ADARB2: variants seen among roughly 807,000 people sequenced by gnomAD.
The protein encoded by ADARB2 is inactive double-stranded RNA-specific editase B2.
ADARB2 carries 25 observed loss-of-function variants against 62.2 expected under a neutral mutation model. The observed-to-expected ratio is 0.40, with a 90% CI of 0.29 to 0.56. ADARB2 has a LOEUF of 0.56. Ranked by LOEUF, ADARB2 falls within the 20% of genes least tolerant of loss-of-function variation. ADARB2 has a pLI of 0.43. For synonymous variants in ADARB2, 572 were observed against 500.8 expected, an observed-to-expected ratio of 1.14 and a Z score of -1.90; for missense variants, 1,071 against 1,077.4, an observed-to-expected ratio of 0.99 and a Z score of 0.08.
At chr10:1,374,789 G>A (rs1308671231) in intron 2 of ADARB2, among the ~76,000 whole-genome samples, 3 of 152,234 alleles carry the variant, frequency 2.0e-5, no homozygotes, top group African/African-American at 2.4e-5. Flanking sequence ...ACGGGCTCCC[G>A]GGAGTTAGTC....
chr10:1,653,605 C>A (rs1164649011), intron 1 of ADARB2, among the ~76,000 whole-genome samples: 21 of 123,950 alleles, frequency 1.7e-4, no homozygotes, highest in African/African-American at 6.9e-4. Flanking sequence ...AGTCTCCACC[C>A]AACGCCTTCT....
chr10:1,683,445 A>T (rs1834563993), intron 1 of ADARB2, among the ~76,000 whole-genome samples: 1 of 152,198 alleles, frequency 6.6e-6, no homozygotes, highest in Admixed American at 6.5e-5. Context: ...AGCTCGAAAG[A>T]TTTTGCAGTG....
chr10:1,351,861 G>T lies in ADARB2; in HGVS notation c.1077+11167C>A, dbSNP rs576421878. Among the ~76,000 whole-genome samples, 699 of 150,578 alleles carry T rather than the reference G, an allele frequency of 4.6e-3. 20 individuals are homozygous for T. Among genetic ancestry groups the T allele is most frequent in the African/African-American group, 0.016 (645 of 40,108 alleles). On this transcript the variant is annotated intron_variant, in intron 3 of 9. Transcript: ENST00000381312. ...AAAACCAGACAAGGCTTACAGGTTA[G>T]TTCAGGATCTGTGCCTTATCAACCA...
At chr10:1,463,812 G>T (rs1420150521) in intron 1 of ADARB2, among the ~76,000 whole-genome samples, 2 of 152,102 alleles carry the variant, frequency 1.3e-5, no homozygotes, top group African/African-American at 4.8e-5. Context: ...CCAGAATAGG[G>T]AAAGCACTCT....
At chr10:1,377,358 G>A (rs1832442714) in intron 2 of ADARB2, among the ~76,000 whole-genome samples, 1 of 144,074 alleles carries the variant, frequency 6.9e-6, no homozygotes, top group Non-Finnish European at 1.5e-5. Flanking sequence ...GTGTGTGTTT[G>A]TGCTCCTGGG....
chr10:1,710,972 T>C (rs561774983), intron 1 of ADARB2, among the ~76,000 whole-genome samples: 1 of 152,208 alleles, frequency 6.6e-6, no homozygotes, highest in East Asian at 1.9e-4. Flanking sequence ...CCCAACCCCC[T>C]GTGCTCTGCA....
chr10:1,583,686 C>A (rs1833135988), intron 1 of ADARB2, among the ~76,000 whole-genome samples: 1 of 152,206 alleles, frequency 6.6e-6, no homozygotes, highest in South Asian at 2.1e-4. Flanking sequence ...TCAATATATT[C>A]TCAATCAAAA....
intron 1 of ADARB2, among the ~76,000 whole-genome samples, chr10:1,482,518 A>G (rs988184070): frequency 8.5e-5 from 13 of 152,212 alleles, no homozygotes; most frequent in African/African-American, 2.9e-4. Context: ...GGTTACCAGG[A>G]GGAGAAGTGG....
At chr10:1,710,786 T>C (rs1834940981) in intron 1 of ADARB2, among the ~76,000 whole-genome samples, 1 of 152,212 alleles carries the variant, frequency 6.6e-6, no homozygotes. Context: ...CAGCTTCGTC[T>C]TTACTGGCCA....
chr10:1,706,636 C>T lies in ADARB2; in HGVS notation c.100+30415G>A, dbSNP rs564506571. Among the ~76,000 whole-genome samples, 17 of 152,300 alleles carry T rather than the reference C, an allele frequency of 1.1e-4. No homozygotes were observed. In the South Asian group the frequency reaches 2.3e-3, roughly 20 times the overall value. On this transcript the variant is annotated intron_variant, in intron 1 of 9. Transcript: ENST00000381312. ...ACTTTTCAACAAACAGAGGGCCTGG[C>T]GCTGGACTAGAATCTGCAGGATGAT...
In ADARB2 at chr10:1,367,142, C is replaced by T. The variant is rs148798251; in HGVS notation, c.188-3225G>A. Among the ~76,000 whole-genome samples the T allele has an allele frequency of 1.6e-3, 237 of 152,256 alleles. 1 individual carries two copies. The highest frequency in any genetic ancestry group is 5.2e-3 in the African/African-American group (216 of 41,532). ...TGCCCTTGAAAATCAGGCACCTTTG[C>T]GAGGTATCCTGACATTGGAGAATGT... is the stretch of plus-strand genomic sequence containing the variant. On this transcript the variant is annotated intron_variant, in intron 2 of 9. Coordinates refer to ENST00000381312, the MANE Select transcript of ADARB2 (RefSeq NM_018702.4).
chr10:1,253,654 C>G (rs7093200), intron 4 of ADARB2, among the ~76,000 whole-genome samples: 5,681 of 152,232 alleles, frequency 0.037, 381 homozygotes, highest in African/African-American at 0.13. Flanking sequence ...GGCAGGAGAG[C>G]AGAAACTGTC....
intron 1 of ADARB2, among the ~76,000 whole-genome samples, chr10:1,593,766 A>G (rs563322997): frequency 6.4e-4 from 97 of 152,288 alleles, no homozygotes; most frequent in Non-Finnish European, 1.0e-3. Context: ...AACTTTTTCC[A>G]AGTTTATTTG....
At chr10:1,591,034 T>A (rs959448692) in intron 1 of ADARB2, among the ~76,000 whole-genome samples, 1 of 152,252 alleles carries the variant, frequency 6.6e-6, no homozygotes, top group African/African-American at 2.4e-5. Flanking sequence ...GTGCAATTTC[T>A]ATGTGTCGAT....
chr10:1,574,805 C>T (rs1490488121), intron 1 of ADARB2, among the ~76,000 whole-genome samples: 2 of 152,138 alleles, frequency 1.3e-5, no homozygotes, highest in African/African-American at 2.4e-5. Context: ...CCTGTGAATT[C>T]GGGGGACACA....
chr10:1,437,305 T>G (rs893906905), intron 1 of ADARB2, among the ~76,000 whole-genome samples: 6 of 152,108 alleles, frequency 3.9e-5, no homozygotes, highest in African/African-American at 1.4e-4. Flanking sequence ...CATATGTGTG[T>G]GTGTGTATAT....
rs143934299 is a variant in ADARB2 at position 1,482,361 on chromosome 10, T to C, written c.101-103201A>G. Among the ~76,000 whole-genome samples, 4 of 152,298 alleles carry C rather than the reference T, an allele frequency of 2.6e-5. 1 individual carries two copies. Among genetic ancestry groups the C allele is most frequent in the Admixed American group, 6.5e-5 (1 of 15,304 alleles). ...CCATCAGTGCACGAATGGATATCCA[T>C]ACAATGGACTGGAATTCTGGTTTGT... On this transcript the variant is annotated intron_variant, in intron 1 of 9. Transcript: ENST00000381312.
At chr10:1,305,393 A>T (rs1831617339) in intron 3 of ADARB2, among the ~76,000 whole-genome samples, 1 of 151,972 alleles carries the variant, frequency 6.6e-6, no homozygotes, top group Non-Finnish European at 1.5e-5. Context: ...CAGGATCTGA[A>T]ATTGGGGCAA....
At chr10:1,542,896 C>T (rs1343137718) in intron 1 of ADARB2, among the ~76,000 whole-genome samples, 3 of 150,706 alleles carry the variant, frequency 2.0e-5, no homozygotes, top group Non-Finnish European at 3.0e-5. Flanking sequence ...GCCGCCCAGA[C>T]CCCACTCAGA....
Sources: allele counts gnomAD v4.1 joint callset (sites outside exome capture counted in the v4.1 genomes callset), GRCh38; gene constraint gnomAD v4.1.1; transcripts MANE v1.5; gene names NCBI Gene and HGNC (gene_info 2026-07-23, HGNC 2026-07-21).